Variants in CNTN6 observed in about 807,000 individuals in gnomAD.
The protein encoded by CNTN6 is contactin-6.
Under a neutral mutation model 122.8 loss-of-function variants are expected in CNTN6, and 137 were observed. The ratio of observed to expected loss-of-function variants is 1.12; its 90% CI spans 0.97 to 1.29. The LOEUF (loss-of-function observed/expected upper bound fraction) is 1.29. Among genes scored for constraint, CNTN6 ranks in the 50% most tolerant of loss-of-function variants. The pLI is 0.00. For synonymous variants in CNTN6, 570 were observed against 426.0 expected (o/e 1.34, Z -4.16); for missense variants, 1,634 against 1,223.4 (o/e 1.34, Z -5.01).
At chr3:1,258,772 G>T (rs182603206) in intron 4 of CNTN6, among the ~76,000 whole-genome samples, 1 of 152,146 alleles carries the variant, frequency 6.6e-6, no homozygotes, top group Admixed American at 6.6e-5. Context: ...CATGGGGACA[G>T]CTACCTTTTT....
chr3:1,163,081 T>A (rs945595033), intron 2 of CNTN6, among the ~76,000 whole-genome samples: 1 of 152,218 alleles, frequency 6.6e-6, no homozygotes, highest in African/African-American at 2.4e-5. Context: ...GATTACCCAA[T>A]GATTCTAAGA....
intron 4 of CNTN6, among the ~76,000 whole-genome samples, chr3:1,242,891 A>G (rs1335062084): frequency 6.6e-6 from 1 of 152,168 alleles, no homozygotes; most frequent in African/African-American, 2.4e-5. Flanking sequence ...CTGGCCGTCA[A>G]TACCCACAAC....
intron 21 of CNTN6, among the ~76,000 whole-genome samples, chr3:1,402,039 G>A (rs77217910): frequency 3.3e-5 from 5 of 151,786 alleles, no homozygotes; most frequent in African/African-American, 1.2e-4. Context: ...AAACTCAACA[G>A]TGACTTTCCA....
intron 20 of CNTN6, among the ~76,000 whole-genome samples, chr3:1,392,502 A>C (rs1694315806): frequency 2.0e-5 from 3 of 151,586 alleles, no homozygotes; most frequent in Admixed American, 2.0e-4. Flanking sequence ...ATGGGCAAGG[A>C]CTTCATGTCT....
intron 7 of CNTN6, among the ~76,000 whole-genome samples, chr3:1,321,074 C>T (rs1052654457): frequency 6.6e-6 from 1 of 151,504 alleles, no homozygotes; most frequent in South Asian, 2.1e-4. Context: ...TCATATGGGT[C>T]TGTTTTATAG....
intron 8 of CNTN6, among the ~76,000 whole-genome samples, chr3:1,323,982 A>C (rs1701207193): frequency 7.1e-6 from 1 of 140,966 alleles, no homozygotes; most frequent in African/African-American, 3.2e-5. Context: ...ACATATGAGC[A>C]TGCATTTATT....
chr3:1,348,157 C>CAAAAAAAAAAAAAAAAAAAAAAAAAAA (rs532282828), intron 11 of CNTN6, among the ~76,000 whole-genome samples: 5 of 64,288 alleles, frequency 7.8e-5, no homozygotes, highest in Non-Finnish European at 1.1e-4. Flanking sequence ...ATGCTATAGA[C>CAAAAAAAAAAAAAAAAAAAAAAAAAAA]AAAAAAAAAA....
chr3:1,313,641 A>G lies in CNTN6; in HGVS notation c.762-8009A>G, dbSNP rs79817208. On this transcript the variant is annotated intron_variant, in intron 7 of 22. Transcript: ENST00000446702. ...CTGTTACCACTGCTATTATAAACAA[A>G]CCATTTGTGGCTTTTCAAAGATGTC... Among the ~76,000 whole-genome samples, 679 of 152,120 alleles carry G rather than the reference A, an allele frequency of 4.5e-3. 23 individuals are homozygous for G. The highest frequency in any genetic ancestry group is 0.033 in the Admixed American group (502 of 15,246).
intron 4 of CNTN6, among the ~76,000 whole-genome samples, chr3:1,271,548 T>A (rs2095027469): frequency 6.6e-6 from 1 of 152,170 alleles, no homozygotes; most frequent in South Asian, 2.1e-4. Context: ...TGCATAGCTC[T>A]CTATGTTGGT....
intron 1 of CNTN6, among the ~76,000 whole-genome samples, chr3:1,113,882 A>C (rs927059872): frequency 6.6e-6 from 1 of 152,192 alleles, no homozygotes; most frequent in Non-Finnish European, 1.5e-5. Flanking sequence ...GGTAGAGGAG[A>C]ATCATCTTTC....
chr3:1,372,404 T>C lies in CNTN6; in HGVS notation c.1598T>C (p.Phe533Ser), dbSNP rs1234690057. 2 of 1,612,974 alleles carry C rather than the reference T, an allele frequency of 1.2e-6. No individual in the cohort carries two copies. Among genetic ancestry groups the C allele is most frequent in the East Asian group, 4.5e-5 (2 of 44,824 alleles). The change falls in exon 13 of 23, where the codon TTT (phenylalanine) becomes TCT (serine). Residue 533 changes from phenylalanine to serine, a missense_variant. Coordinates refer to ENST00000446702, the MANE Select transcript of CNTN6 (RefSeq NM_001289080.2). ...VSHDPSIEVVFVWFFNGDVID... is the reference protein window; with the variant it reads ...VSHDPSIEVVSVWFFNGDVID... ...CATGACCCCTCCATTGAAGTGGTAT[T>C]TGTATGGTTTTTCAATGGAGATGTC...
intron 2 of CNTN6, among the ~76,000 whole-genome samples, chr3:1,187,134 G>A (rs1214535617): frequency 6.6e-6 from 1 of 152,050 alleles, no homozygotes; most frequent in East Asian, 1.9e-4. Context: ...ACAATTCATA[G>A]ACTTCCCACT....
intron 4 of CNTN6, among the ~76,000 whole-genome samples, chr3:1,236,529 C>T (rs1225876354): frequency 3.3e-5 from 5 of 152,182 alleles, no homozygotes; most frequent in African/African-American, 7.2e-5. Flanking sequence ...CTAGGGGAAG[C>T]GGGAGAACAC....
intron 19 of CNTN6, among the ~76,000 whole-genome samples, chr3:1,383,666 A>AAAACAAAAAC (rs141449245): frequency 3.5e-5 from 5 of 143,158 alleles, no homozygotes; most frequent in African/African-American, 1.2e-4. Flanking sequence ...AACAAAAACA[A>AAAACAAAAAC]AAAAAAACAG....
At chr3:1,135,933 C>T (rs925953612) in intron 1 of CNTN6, among the ~76,000 whole-genome samples, 4 of 151,904 alleles carry the variant, frequency 2.6e-5, no homozygotes, top group Admixed American at 1.3e-4. Context: ...CGGAGGTTGC[C>T]GTGAGCCGAG....
chr3:1,103,888 AT>A (rs892034772), intron 1 of CNTN6, among the ~76,000 whole-genome samples: 3 of 151,868 alleles, frequency 2.0e-5, no homozygotes, highest in Admixed American at 6.6e-5. Flanking sequence ...TTCTTTTATG[AT>A]TTTTTTTCTA....
chr3:1,195,865 G>T (rs971349124), intron 2 of CNTN6, among the ~76,000 whole-genome samples: 1 of 151,902 alleles, frequency 6.6e-6, no homozygotes, highest in Non-Finnish European at 1.5e-5. Flanking sequence ...TTCCATACGA[G>T]ACCTGTACCA....
chr3:1,165,603 TATAATA>T (rs144374654), intron 2 of CNTN6, among the ~76,000 whole-genome samples: 1 of 152,098 alleles, frequency 6.6e-6, no homozygotes, highest in Non-Finnish European at 1.5e-5. Context: ...TACAAGGACT[TATAATA>T]ATAATAATCA....
At chr3:1,376,698 A>C (rs1296065975) in intron 16 of CNTN6, among the ~76,000 whole-genome samples, 1 of 152,116 alleles carries the variant, frequency 6.6e-6, no homozygotes, top group Non-Finnish European at 1.5e-5. Flanking sequence ...CAGCAGTGTC[A>C]CTGTCACCAT....
Sources: gnomAD v4.1 joint callset for allele counts (sites outside exome capture counted in the v4.1 genomes callset) on GRCh38, gnomAD v4.1.1 for gene constraint, MANE v1.5 for transcripts, NCBI Gene and HGNC (gene_info 2026-07-23, HGNC 2026-07-21) for gene names.